DCAF8L2: variants seen among roughly 807,000 people sequenced by gnomAD.
The protein encoded by DCAF8L2 is DDB1 and CUL4 associated factor 8 like 2, also known as DDB1- and CUL4-associated factor 8-like protein 2.
For missense variants in DCAF8L2, 430 were observed against 490.7 expected, an observed-to-expected ratio of 0.88 and a Z score of 1.17; for synonymous variants, 200 against 190.9, an observed-to-expected ratio of 1.05 and a Z score of -0.39.
the DCAF8L2 span, among the ~76,000 whole-genome samples, chrX:27,535,456 C>A: frequency 8.9e-6 from 1 of 111,827 alleles, no homozygotes; most frequent in African/African-American, 3.3e-5. Flanking sequence ...AAAAGCAGTT[C>A]TGATCATGTC....
At chrX:27,727,342 T>C (rs1012752548) in intron 4 of DCAF8L2, among the ~76,000 whole-genome samples, 1 of 111,498 alleles carries the variant, frequency 9.0e-6, no homozygotes, top group Admixed American at 9.6e-5. Context: ...AAGTTCCTCC[T>C]TTTAAAATAA....
At chrX:27,718,672 A>G (rs1931784414) in intron 4 of DCAF8L2, among the ~76,000 whole-genome samples, 1 of 111,873 alleles carries the variant, frequency 8.9e-6, no homozygotes, top group South Asian at 3.7e-4. Flanking sequence ...TCTGAGAACA[A>G]GAGGGAACAC....
intron 3 of DCAF8L2, among the ~76,000 whole-genome samples, chrX:27,701,674 A>C (rs1330162096): frequency 9.0e-6 from 1 of 111,528 alleles, no homozygotes. Context: ...AGGTAAAAAA[A>C]GGAAAAACAT....
At chrX:27,719,453 T>A (rs1015147964) in intron 4 of DCAF8L2, among the ~76,000 whole-genome samples, 2 of 98,423 alleles carry the variant, frequency 2.0e-5, no homozygotes, top group Non-Finnish European at 4.1e-5. Context: ...TTTAATTTTT[T>A]TTTTTTTTTT....
At chrX:27,661,060 T>C (rs770350303) in intron 2 of DCAF8L2, among the ~76,000 whole-genome samples, 37 of 111,673 alleles carry the variant, frequency 3.3e-4, no homozygotes, top group Non-Finnish European at 5.6e-4. Flanking sequence ...ACTGTGCTGC[T>C]GCAGCCTGGG....
At chrX:27,655,841 A>G (rs1929330044) in intron 2 of DCAF8L2, among the ~76,000 whole-genome samples, 1 of 111,685 alleles carries the variant, frequency 9.0e-6, no homozygotes, top group Admixed American at 9.6e-5. Context: ...GCTGAAGGGC[A>G]TCTATTTTTA....
At position 27,683,865 on chromosome X, in the gene DCAF8L2, G is replaced by T. The variant is rs370279205; in HGVS notation, c.-143+5953G>T. Among the ~76,000 whole-genome samples, 141 of 111,864 alleles carry T rather than the reference G, an allele frequency of 1.3e-3. 2 individuals carry two copies. The South Asian group carries it at 0.048, about 38-fold the overall frequency. ...CTCTGAGGGGTGTTCACCTGAGATT[G>T]CACTGTTCCTTGGCTTCCACTACCT... On this transcript the variant is annotated intron_variant, in intron 3 of 4. Coordinates refer to ENST00000451261, the MANE Select transcript of DCAF8L2 (RefSeq NM_001353450.2).
intron 2 of DCAF8L2, among the ~76,000 whole-genome samples, chrX:27,665,143 T>A (rs988051014): frequency 9.0e-6 from 1 of 110,592 alleles, no homozygotes; most frequent in Non-Finnish European, 1.9e-5. Context: ...CAAATTGAAA[T>A]CATTCTGGAA....
intron 1 of DCAF8L2, among the ~76,000 whole-genome samples, chrX:27,591,458 A>G (rs1310584573): frequency 9.0e-6 from 1 of 111,325 alleles, no homozygotes; most frequent in African/African-American, 3.3e-5. Context: ...TATAAAAATA[A>G]GGCAGTAAGT....
Position 27,686,744 on chromosome X carries a change from T to C in DCAF8L2, c.-143+8832T>C, listed in dbSNP as rs192768928. ...AAAGTCTTCAAATGTTCCCAACAGA[T>C]AGAAATGATAAATGCTCTGAGTCAG... is the stretch of plus-strand genomic sequence containing the variant. On this transcript the variant is annotated intron_variant, in intron 3 of 4. Coordinates refer to ENST00000451261, the MANE Select transcript of DCAF8L2 (RefSeq NM_001353450.2). Among the ~76,000 whole-genome samples the C allele has an allele frequency of 5.3e-5, 6 of 112,248 alleles. 1 individual carries two copies. In the East Asian group the frequency reaches 1.4e-3, roughly 26 times the overall value.
Position 27,749,072 on chromosome X carries a change from C to G in DCAF8L2, c.*281C>G, listed in dbSNP as rs776050296. Among the ~76,000 whole-genome samples, 1 of 110,960 alleles carries G rather than the reference C, an allele frequency of 9.0e-6. No individual in the cohort carries two copies. The highest frequency in any genetic ancestry group is 3.9e-4 in the South Asian group (1 of 2,595). ...TACACAACTTATTTATGCCTCTTTT[C>G]CTTTGTTCCCTTATAGTTGACCTCT... On this transcript the variant is annotated 3_prime_UTR_variant, in exon 5 of 5. Transcript: ENST00000451261.
At chrX:27,481,014 C>A in the DCAF8L2 span, among the ~76,000 whole-genome samples, 1 of 111,774 alleles carries the variant, frequency 8.9e-6, no homozygotes, top group Non-Finnish European at 1.9e-5. Context: ...GTTTGGAGAG[C>A]AATTTGGAGA....
At chrX:27,537,674 A>G in the DCAF8L2 span, among the ~76,000 whole-genome samples, 10,739 of 111,764 alleles carry the variant, frequency 0.096, 407 homozygotes, top group Non-Finnish European at 0.12. Context: ...AGTGGCATAT[A>G]TTCTACTGTA....
At chrX:27,608,644 C>T (rs1927018604) in intron 1 of DCAF8L2, among the ~76,000 whole-genome samples, 1 of 111,081 alleles carries the variant, frequency 9.0e-6, no homozygotes, top group African/African-American at 3.3e-5. Context: ...TGATCCTCTT[C>T]CATTCCATTT....
intron 1 of DCAF8L2, among the ~76,000 whole-genome samples, chrX:27,590,990 TTTATA>T (rs1265739937): frequency 2.0e-5 from 1 of 49,614 alleles, no homozygotes; most frequent in East Asian, 8.3e-4. Flanking sequence ...GCCTTTACAT[TTTATA>T]TATATATATA....
chrX:27,576,889 A>G, the DCAF8L2 span, among the ~76,000 whole-genome samples: 3 of 111,915 alleles, frequency 2.7e-5, no homozygotes, highest in Non-Finnish European at 5.6e-5. Context: ...TATCTCAACT[A>G]TTTGAATATT....
At chrX:27,703,596 G>A (rs750567328) in intron 3 of DCAF8L2, among the ~76,000 whole-genome samples, 124 of 110,987 alleles carry the variant, frequency 1.1e-3, no homozygotes, top group African/African-American at 4.0e-3. Flanking sequence ...TTTGAAAAGA[G>A]CGCCATGACA....
upstream of DCAF8L2, among the ~76,000 whole-genome samples, chrX:27,585,731 A>G (rs748255001): frequency 9.0e-6 from 1 of 111,478 alleles, no homozygotes; most frequent in South Asian, 3.8e-4. Flanking sequence ...CAAATCCCCA[A>G]TTACCAGTAC....
intron 2 of DCAF8L2, among the ~76,000 whole-genome samples, chrX:27,673,507 C>CA (rs57955039): frequency 0.25 from 13,345 of 54,169 alleles, 1,623 homozygotes; most frequent in East Asian, 0.47. Context: ...GATTCCATCT[C>CA]AAAAAAAAAA....
Sources: allele counts gnomAD v4.1 joint callset (sites outside exome capture counted in the v4.1 genomes callset), GRCh38; gene constraint gnomAD v4.1.1; transcripts MANE v1.5; gene names NCBI Gene and HGNC (gene_info 2026-07-23, HGNC 2026-07-21).